Variants in LMBRD1 observed in about 807,000 individuals in gnomAD.
LMBRD1 encodes lysosomal cobalamin transport escort protein LMBD1.
A neutral mutation model predicts 74.8 loss-of-function variants in LMBRD1; 64 were observed. The observed-to-expected ratio is 0.86, with a 90% CI of 0.70 to 1.05. The LOEUF (loss-of-function observed/expected upper bound fraction) is 1.05. Among genes scored for constraint, LMBRD1 ranks in the 50% least tolerant of loss-of-function variants. The probability of loss-of-function intolerance (pLI) is 0.00; values close to 1 mark genes in which losing one functional copy is unlikely to be tolerated. For missense variants in LMBRD1, 652 were observed against 645.9 expected (o/e 1.01, Z -0.10); for synonymous variants, 204 against 216.3 (o/e 0.94, Z 0.50).
intron 3 of LMBRD1, among the ~76,000 whole-genome samples, chr6:69,753,767 C>T (rs1467806892): frequency 6.6e-6 from 1 of 151,936 alleles, no homozygotes; most frequent in Admixed American, 6.6e-5. Context: ...GGTGAAACCC[C>T]GTCTCTACTA....
chr6:69,733,238 C>T (rs1239068237), intron 7 of LMBRD1, among the ~76,000 whole-genome samples: 2 of 151,898 alleles, frequency 1.3e-5, no homozygotes, highest in African/African-American at 4.8e-5. Flanking sequence ...TATTAATTTC[C>T]CACTCTGGGT....
chr6:69,722,462 C>CAA (rs1398871500), intron 7 of LMBRD1, among the ~76,000 whole-genome samples: 4 of 96,832 alleles, frequency 4.1e-5, no homozygotes, highest in Admixed American at 1.0e-4. Context: ...ATGAACCAAT[C>CAA]AAAAAAAAAA....
At chr6:69,732,111 T>C (rs1254163117) in intron 7 of LMBRD1, among the ~76,000 whole-genome samples, 1 of 152,204 alleles carries the variant, frequency 6.6e-6, no homozygotes, top group Non-Finnish European at 1.5e-5. Context: ...ATTTGACTTT[T>C]AAAGGGAATT....
At position 69,749,073 on chromosome 6, in the gene LMBRD1, T is replaced by TAATC. The variant is rs1313725577; in HGVS notation, c.473+264_473+267dup. On this transcript the variant is annotated intron_variant, in intron 5 of 15. Coordinates refer to ENST00000649934, the MANE Select transcript of LMBRD1 (RefSeq NM_018368.4). ...AGATTACCAAGAATTATATAAAACA[T>TAATC]AATCACATTTGTGTAAAAAGCATGT... is the stretch of plus-strand genomic sequence containing the variant. Among the ~76,000 whole-genome samples, 5 of 152,068 alleles carry TAATC rather than the reference T, an allele frequency of 3.3e-5. No individual in the cohort carries two copies. The East Asian group carries it at 7.7e-4, about 23-fold the overall frequency.
intron 14 of LMBRD1, among the ~76,000 whole-genome samples, chr6:69,678,199 TAAAGA>T (rs1033498533): frequency 6.6e-6 from 1 of 152,276 alleles, no homozygotes; most frequent in Non-Finnish European, 1.5e-5. Context: ...TAAAGTAAGC[TAAAGA>T]AAAGAAAATG....
intron 14 of LMBRD1, among the ~76,000 whole-genome samples, chr6:69,678,068 G>T (rs1765583914): frequency 6.6e-6 from 1 of 152,084 alleles, no homozygotes; most frequent in South Asian, 2.1e-4. Context: ...TATAACTTTT[G>T]ACTTCTCCAA....
chr6:69,724,289 G>A (rs1766677781), intron 7 of LMBRD1, among the ~76,000 whole-genome samples: 1 of 146,876 alleles, frequency 6.8e-6, no homozygotes. Context: ...ATACGGAGGA[G>A]GAGGAAATAG....
In LMBRD1 at chr6:69,794,687, T is replaced by C. The variant is rs12529742; in HGVS notation, c.69+2126A>G. On this transcript the variant is annotated intron_variant, in intron 1 of 15. Coordinates refer to ENST00000649934, the MANE Select transcript of LMBRD1 (RefSeq NM_018368.4). ...AGACTTACATCCACAAGTATGAGCT[T>C]GACAACTCTTCAATACTTAGAATTT... 4.8e-3 allele frequency among the ~76,000 whole-genome samples: 725 copies of C among 152,358 alleles called. 7 individuals carry two copies. The highest frequency in any genetic ancestry group is 0.017 in the Middle Eastern group (5 of 294).
intron 14 of LMBRD1, among the ~76,000 whole-genome samples, chr6:69,691,391 T>C (rs1017635810): frequency 2.0e-5 from 3 of 152,182 alleles, no homozygotes; most frequent in Non-Finnish European, 4.4e-5. Context: ...TTCTTTAACA[T>C]TCTAGTTCAT....
chr6:69,712,564 G>T (rs1332247680), intron 9 of LMBRD1, among the ~76,000 whole-genome samples: 1 of 151,634 alleles, frequency 6.6e-6, no homozygotes, highest in East Asian at 1.9e-4. Flanking sequence ...AAAAATAAGA[G>T]AATCCTCTTA....
intron 7 of LMBRD1, among the ~76,000 whole-genome samples, chr6:69,726,669 A>C (rs953228753): frequency 6.6e-6 from 1 of 152,148 alleles, no homozygotes; most frequent in African/African-American, 2.4e-5. Flanking sequence ...TGTAGGATCT[A>C]AAAATCAAAA....
At chr6:69,704,991 T>G (rs1017344088) in intron 9 of LMBRD1, among the ~76,000 whole-genome samples, 5 of 152,006 alleles carry the variant, frequency 3.3e-5, no homozygotes, top group African/African-American at 1.2e-4. Flanking sequence ...ATACTGAGTT[T>G]TATTTCACAT....
intron 7 of LMBRD1, among the ~76,000 whole-genome samples, chr6:69,735,151 A>C (rs1766947310): frequency 6.6e-6 from 1 of 152,204 alleles, no homozygotes; most frequent in Admixed American, 6.5e-5. Context: ...TTCTTAGTTC[A>C]GGGTCACGGG....
chr6:69,749,838 T>G (rs1765082439), intron 4 of LMBRD1, among the ~76,000 whole-genome samples: 1 of 148,698 alleles, frequency 6.7e-6, no homozygotes, highest in Admixed American at 6.7e-5. Context: ...TTAAATATAT[T>G]TGTATATATA....
At chr6:69,719,201 C>T (rs1394971881) in intron 7 of LMBRD1, 120 bp from the exon 8 acceptor site, 3 of 866,900 alleles carry the variant, frequency 3.5e-6, no homozygotes, top group African/African-American at 1.7e-5. Context: ...AGTACAGTCA[C>T]TGAAAACATG....
At chr6:69,761,869 T>C (rs1371716240) in intron 3 of LMBRD1, among the ~76,000 whole-genome samples, 1 of 152,224 alleles carries the variant, frequency 6.6e-6, no homozygotes, top group Non-Finnish European at 1.5e-5. Flanking sequence ...TCATTTTATA[T>C]GCATAGAATT....
chr6:69,773,669 A>T (rs545561074), intron 3 of LMBRD1, among the ~76,000 whole-genome samples: 74 of 152,318 alleles, frequency 4.9e-4, no homozygotes, highest in African/African-American at 1.7e-3. Flanking sequence ...GCAAAAAAAA[A>T]TTTTATTAAA....
intron 3 of LMBRD1, among the ~76,000 whole-genome samples, chr6:69,754,391 C>G (rs180850618): frequency 5.3e-5 from 8 of 152,252 alleles, no homozygotes; most frequent in Non-Finnish European, 1.2e-4. Flanking sequence ...CATTTGCTAG[C>G]ACTATCTCAT....
rs185334169 is a variant in LMBRD1, at chr6:69,699,189, A to G, written c.1192T>C (p.Tyr398His). Residue 398 changes from tyrosine (Y) to histidine (H), a missense_variant, in exon 13 of 16, where the codon TAT becomes CAT. Coordinates refer to ENST00000649934, the MANE Select transcript of LMBRD1 (RefSeq NM_018368.4). ...IGIWFFWIRL[Y>H]KIRRGRTRPQ... is the part of the protein sequence containing the mutation. ...CTGGTTCTACCTCTTCTGATTTTATATAACTGGAAAGAAAAGAGTGACAAA... is the reference window on the plus strand; with the variant it reads ...CTGGTTCTACCTCTTCTGATTTTATGTAACTGGAAAGAAAAGAGTGACAAA... The G allele has an allele frequency of 2.3e-4, 371 of 1,611,026 alleles. No homozygotes were observed. The East Asian group carries it at 6.4e-3, about 28-fold the overall frequency.
Sources: allele counts gnomAD v4.1 joint callset (sites outside exome capture counted in the v4.1 genomes callset), GRCh38; gene constraint gnomAD v4.1.1; transcripts MANE v1.5; gene names NCBI Gene and HGNC (gene_info 2026-07-23, HGNC 2026-07-21).